The following ALK variants were observed in gnomAD, a reference collection of about 807,000 sequenced individuals.
ALK encodes the protein ALK receptor tyrosine kinase, also known as ALK tyrosine kinase receptor.
Under a neutral mutation model 163.1 loss-of-function variants are expected in ALK, and 74 were observed. That is an observed-to-expected ratio of 0.45 (90% confidence interval 0.38 to 0.55). The LOEUF is 0.55. Ranked by LOEUF, ALK falls within the 20% of genes least tolerant of loss-of-function variation. The probability of loss-of-function intolerance (pLI) is 0.00; values close to 1 mark genes in which losing one functional copy is unlikely to be tolerated. For missense variants in ALK, 2,063 were observed against 2,105.3 expected (o/e 0.98, Z 0.39); for synonymous variants, 960 against 843.2 (o/e 1.14, Z -2.40).
intron 2 of ALK, among the ~76,000 whole-genome samples, chr2:29,702,812 T>C (rs539438519): frequency 6.6e-6 from 1 of 152,332 alleles, no homozygotes; most frequent in East Asian, 1.9e-4. Flanking sequence ...AGATTTACTA[T>C]CATGAGAACA....
rs550138295 is a variant in ALK at position 29,669,148 on chromosome 2, C to T, written c.952+25702G>A. 4.6e-5 allele frequency among the ~76,000 whole-genome samples: 7 copies of T among 152,048 alleles called. No individual in the cohort carries two copies. In the South Asian group the frequency reaches 8.3e-4, roughly 18 times the overall value. ...TGTGTAAGTTAACACTGTTATTTCT[C>T]TGTTGATTTTCTGTCTGGATGATCT... On this transcript the variant is annotated intron_variant, in intron 3 of 28. Transcript: ENST00000389048.
intron 1 of ALK, among the ~76,000 whole-genome samples, chr2:29,840,789 A>G (rs1419702523): frequency 6.6e-6 from 1 of 152,234 alleles, no homozygotes; most frequent in Non-Finnish European, 1.5e-5. Context: ...AAATACTTCT[A>G]TTGCATTATC....
chr2:29,745,705 C>T (rs937015410), intron 1 of ALK, among the ~76,000 whole-genome samples: 2 of 152,234 alleles, frequency 1.3e-5, no homozygotes, highest in Admixed American at 6.5e-5. Flanking sequence ...CATGTCCCAT[C>T]ACTGCCCATG....
At chr2:29,394,339 G>A (rs554320559) in intron 4 of ALK, among the ~76,000 whole-genome samples, 65 of 150,680 alleles carry the variant, frequency 4.3e-4, no homozygotes, top group African/African-American at 1.4e-3. Context: ...AAGAAAGAAA[G>A]AAAGAAAAAA....
At chr2:29,777,425 G>C (rs2148348343) in intron 1 of ALK, among the ~76,000 whole-genome samples, 1 of 152,118 alleles carries the variant, frequency 6.6e-6, no homozygotes, top group South Asian at 2.1e-4. Flanking sequence ...TGTCAGAGAA[G>C]GTGAAGTTTG....
In ALK at chr2:29,237,897, G is replaced by A. The variant is rs150751173; in HGVS notation, c.2355+1783C>T. The stretch of plus-strand genomic sequence containing the variant: ...CCTGTAATACACAGGACAGATCCCC[G>A]CCCCTAGCCACAAAGAATTACCTGC... On this transcript the variant is annotated intron_variant, in intron 13 of 28. Coordinates refer to ENST00000389048, the MANE Select transcript of ALK (RefSeq NM_004304.5). Among the ~76,000 whole-genome samples the A allele has an allele frequency of 3.0e-3, 457 of 152,272 alleles. 2 individuals carry two copies. Among genetic ancestry groups the A allele is most frequent in the African/African-American group, 0.011 (443 of 41,550 alleles).
chr2:29,847,901 T>C (rs1273337635), intron 1 of ALK, among the ~76,000 whole-genome samples: 1 of 148,350 alleles, frequency 6.7e-6, no homozygotes, highest in Non-Finnish European at 1.5e-5. Flanking sequence ...GTGGGGGAGG[T>C]GTAAGAAGGA....
At position 29,198,354 on chromosome 2, in the gene ALK, T is replaced by C. The variant is rs1301932285; in HGVS notation, c.3939-678A>G. On this transcript the variant is annotated intron_variant, in intron 26 of 28. Coordinates refer to ENST00000389048, the MANE Select transcript of ALK (RefSeq NM_004304.5). ...ACACACATCATCTCCTTTATTCTTT[T>C]CCAACTCATCAGCACCTCTGGTTAT... Among the ~76,000 whole-genome samples the C allele has an allele frequency of 4.6e-5, 7 of 152,166 alleles. No homozygotes were observed. In the South Asian group the frequency reaches 6.2e-4, roughly 14 times the overall value.
intron 1 of ALK, among the ~76,000 whole-genome samples, chr2:29,736,813 G>T (rs765027671): frequency 6.6e-6 from 1 of 152,086 alleles, no homozygotes; most frequent in African/African-American, 2.4e-5. Context: ...GTTAACATTT[G>T]TAATTAAGCC....
chr2:29,596,636 A>G (rs909411059), intron 3 of ALK, among the ~76,000 whole-genome samples: 3 of 152,198 alleles, frequency 2.0e-5, no homozygotes, highest in Non-Finnish European at 2.9e-5. Flanking sequence ...CTTGAGTGGC[A>G]CTGAGGATTT....
At chr2:29,588,134 C>CA (rs1674940470) in intron 3 of ALK, among the ~76,000 whole-genome samples, 1 of 152,204 alleles carries the variant, frequency 6.6e-6, no homozygotes, top group African/African-American at 2.4e-5. Context: ...TCCGTTTATG[C>CA]AGTGACCCCT....
At chr2:29,482,913 G>A (rs1007480332) in intron 4 of ALK, among the ~76,000 whole-genome samples, 1 of 152,126 alleles carries the variant, frequency 6.6e-6, no homozygotes, top group Admixed American at 6.5e-5. Context: ...AGGAGATAAT[G>A]GAGAGTGCCA....
chr2:29,674,488 C>T (rs970163938), intron 3 of ALK, among the ~76,000 whole-genome samples: 20 of 148,832 alleles, frequency 1.3e-4, no homozygotes, highest in East Asian at 8.0e-4. Context: ...TATTGATTTG[C>T]GTATATTGAA....
chr2:29,808,910 TA>T (rs1443666071), intron 1 of ALK, among the ~76,000 whole-genome samples: 1 of 152,224 alleles, frequency 6.6e-6, no homozygotes, highest in Non-Finnish European at 1.5e-5. Context: ...TATTCATCTT[TA>T]TGTACAGCTT....
chr2:29,454,291 C>T (rs181700841), intron 4 of ALK, among the ~76,000 whole-genome samples: 189 of 152,268 alleles, frequency 1.2e-3, no homozygotes, highest in African/African-American at 4.5e-3. Context: ...ATGCTCAAGT[C>T]TTTTATATGA....
chr2:29,225,242 G>A (rs1663927347), intron 19 of ALK, among the ~76,000 whole-genome samples: 2 of 152,166 alleles, frequency 1.3e-5, no homozygotes, highest in African/African-American at 4.8e-5. Context: ...GGGCTGAGGT[G>A]CAGAATCAGG....
chr2:29,894,851 CAA>C (rs61375809), intron 1 of ALK, among the ~76,000 whole-genome samples: 1,460 of 33,430 alleles, frequency 0.044, 7 homozygotes, highest in Non-Finnish European at 0.093. Flanking sequence ...CACACACACA[CAA>C]ACACACACAC....
At chr2:29,289,809 G>A (rs876748) in intron 9 of ALK, among the ~76,000 whole-genome samples, 92,469 of 151,928 alleles carry the variant, frequency 0.61, 30,177 homozygotes, top group East Asian at 0.84. Context: ...GCTTCTATTC[G>A]TGTGGGAATG....
chr2:29,559,100 A>T (rs1409524448), intron 3 of ALK, among the ~76,000 whole-genome samples: 1 of 152,184 alleles, frequency 6.6e-6, no homozygotes, highest in African/African-American at 2.4e-5. Context: ...AGACAAGTCT[A>T]CCCAGATCTG....
Sources: allele counts gnomAD v4.1 joint callset (sites outside exome capture counted in the v4.1 genomes callset), GRCh38; gene constraint gnomAD v4.1.1; transcripts MANE v1.5; gene names NCBI Gene and HGNC (gene_info 2026-07-23, HGNC 2026-07-21).